SH3GL3: variants seen among roughly 807,000 people sequenced by gnomAD.
SH3GL3 encodes the protein endophilin-A3.
SH3GL3 carries 33 observed loss-of-function variants against 47.7 expected under a neutral mutation model. That is an observed-to-expected ratio of 0.69 (90% CI 0.52 to 0.92). The LOEUF (loss-of-function observed/expected upper bound fraction) is 0.92. Ranked by LOEUF, SH3GL3 falls within the 40% of genes least tolerant of loss-of-function variation. SH3GL3 has a pLI of 0.00. For missense variants in SH3GL3, 363 were observed against 417.8 expected (o/e 0.87, Z 1.14); for synonymous variants, 155 against 148.8 (o/e 1.04, Z -0.30).
At chr15:83,501,349 GTACA>G (rs202051370) in intron 1 of SH3GL3, among the ~76,000 whole-genome samples, 1,733 of 152,212 alleles carry the variant, frequency 0.011, 15 homozygotes, top group Non-Finnish European at 0.015. Context: ...TTCATGATTA[GTACA>G]TCATAAAAGT....
chr15:83,473,181 C>G (rs983858992), intron 1 of SH3GL3, among the ~76,000 whole-genome samples: 1 of 128,798 alleles, frequency 7.8e-6, no homozygotes, highest in Non-Finnish European at 1.6e-5. Context: ...CTGATGGAGG[C>G]GAAAGTTCAG....
rs2060133896 is a variant in SH3GL3, at chr15:83,592,491, A to G, written c.838+3720A>G. On this transcript the variant is annotated intron_variant, in intron 8 of 8. Transcript: ENST00000427482. The stretch of plus-strand genomic sequence containing the variant: ...TAAGTGCAGGCTCGTGCAGTAGTCA[A>G]AATGCTAAGACCCATGTCATGGTCA... 2.0e-5 allele frequency among the ~76,000 whole-genome samples: 3 copies of G among 147,432 alleles called. 1 individual carries two copies. Among genetic ancestry groups the G allele is most frequent in the Non-Finnish European group, 4.6e-5 (3 of 65,772 alleles).
chr15:83,481,094 G>A (rs935323377), intron 1 of SH3GL3, among the ~76,000 whole-genome samples: 11 of 152,078 alleles, frequency 7.2e-5, no homozygotes, highest in African/African-American at 2.7e-4. Context: ...TGGCCAACAT[G>A]GCGAAACTTC....
chr15:83,496,358 C>CAAA lies in SH3GL3; in HGVS notation c.45+48791_45+48793dup, dbSNP rs57113409. 4.8e-4 allele frequency among the ~76,000 whole-genome samples: 43 copies of CAAA among 89,522 alleles called. 1 individual carries two copies. Among genetic ancestry groups the CAAA allele is most frequent in the South Asian group, 1.6e-3 (4 of 2,490 alleles). 58.7% of individuals were successfully genotyped at this position (89,522 alleles called of 152,430 possible). On this transcript the variant is annotated intron_variant, in intron 1 of 8. Transcript: ENST00000427482. ...TGGGCAACAGAGTGAGATTATGTCT[C>CAAA]AAAAAAAAAAAAAGAAAAAAAAAAG...
In SH3GL3 at chr15:83,594,015, C is replaced by T. The variant is rs189534869; in HGVS notation, c.838+5244C>T. Reference sequence around the variant, plus strand: ...TGTATCTTTCGTAGAGATGAGGATTCACCCTGTTGCCTAAGCTGGTCATGA... The same window carrying T: ...TGTATCTTTCGTAGAGATGAGGATTTACCCTGTTGCCTAAGCTGGTCATGA... On this transcript the variant is annotated intron_variant, in intron 8 of 8. Coordinates refer to ENST00000427482, the MANE Select transcript of SH3GL3 (RefSeq NM_003027.5). Among the ~76,000 whole-genome samples, 460 of 152,244 alleles carry T rather than the reference C, an allele frequency of 3.0e-3. 6 individuals carry two copies. The highest frequency in any genetic ancestry group is 4.8e-3 in the Non-Finnish European group (327 of 68,012).
chr15:83,537,958 G>A (rs953669414), intron 1 of SH3GL3, among the ~76,000 whole-genome samples: 5 of 151,994 alleles, frequency 3.3e-5, no homozygotes, highest in Admixed American at 6.6e-5. Context: ...TATTTGGTCC[G>A]CCATCTTGAT....
intron 1 of SH3GL3, among the ~76,000 whole-genome samples, chr15:83,522,292 C>T (rs1567299174): frequency 6.6e-6 from 1 of 152,136 alleles, no homozygotes; most frequent in African/African-American, 2.4e-5. Flanking sequence ...GAGATCACTT[C>T]GTTCAAGCAG....
the SH3GL3 span, among the ~76,000 whole-genome samples, chr15:83,624,765 T>C: frequency 1.3e-5 from 2 of 152,114 alleles, no homozygotes; most frequent in Admixed American, 1.3e-4. Context: ...TGAGATCCCA[T>C]CCCTACAAAA....
At chr15:83,621,920 C>A (rs1337160017), downstream of SH3GL3, among the ~76,000 whole-genome samples, 1 of 152,170 alleles carries the variant, frequency 6.6e-6, no homozygotes, top group Admixed American at 6.5e-5. Context: ...GTTCCCCAGT[C>A]TTCTGATTCC....
downstream of SH3GL3, among the ~76,000 whole-genome samples, chr15:83,620,080 T>C (rs2060908906): frequency 1.3e-5 from 2 of 152,242 alleles, no homozygotes; most frequent in Non-Finnish European, 2.9e-5. Context: ...CCTCATCTAT[T>C]CAAGCTTTTT....
At chr15:83,513,456 G>C (rs981559511) in intron 1 of SH3GL3, among the ~76,000 whole-genome samples, 1 of 152,100 alleles carries the variant, frequency 6.6e-6, no homozygotes, top group African/African-American at 2.4e-5. Flanking sequence ...CCCTAGACGT[G>C]CTGGACATCT....
chr15:83,550,157 A>G (rs2044590234), intron 1 of SH3GL3, among the ~76,000 whole-genome samples: 1 of 152,188 alleles, frequency 6.6e-6, no homozygotes, highest in Non-Finnish European at 1.5e-5. Flanking sequence ...TTGTGTTGCC[A>G]TGTTCTCCAA....
chr15:83,519,574 C>G (rs916391716), intron 1 of SH3GL3, among the ~76,000 whole-genome samples: 1 of 152,118 alleles, frequency 6.6e-6, no homozygotes, highest in Non-Finnish European at 1.5e-5. Flanking sequence ...GGTGGAGTCT[C>G]TAGGGTTTTC....
At chr15:83,516,611 C>T (rs553890473) in intron 1 of SH3GL3, among the ~76,000 whole-genome samples, 2 of 152,158 alleles carry the variant, frequency 1.3e-5, no homozygotes, top group Admixed American at 6.6e-5. Context: ...CATGGCAAAG[C>T]AGAACAAGGG....
downstream of SH3GL3, among the ~76,000 whole-genome samples, chr15:83,622,967 T>C (rs754852257): frequency 7.2e-5 from 11 of 152,242 alleles, no homozygotes; most frequent in Non-Finnish European, 1.5e-4. Flanking sequence ...CCATATTCTG[T>C]TGGGAAGTGC....
chr15:83,626,520 C>T, the SH3GL3 span, among the ~76,000 whole-genome samples: 3 of 152,174 alleles, frequency 2.0e-5, no homozygotes, highest in African/African-American at 7.2e-5. Flanking sequence ...AGATCTGAGT[C>T]ACATTTTCCA....
chr15:83,610,220 T>C (rs1383103340), intron 8 of SH3GL3, among the ~76,000 whole-genome samples: 1 of 152,140 alleles, frequency 6.6e-6, no homozygotes, highest in Non-Finnish European at 1.5e-5. Context: ...GGCCACCCCA[T>C]TGAATGGGAT....
At chr15:83,471,854 A>T (rs2040843425) in intron 1 of SH3GL3, among the ~76,000 whole-genome samples, 1 of 150,432 alleles carries the variant, frequency 6.6e-6, no homozygotes, top group Admixed American at 6.6e-5. Flanking sequence ...TAGAAGCTTG[A>T]CTATGATGTG....
intron 1 of SH3GL3, chr15:83,490,603 C>G (rs1018154069): frequency 5.6e-6 from 3 of 532,394 alleles, no homozygotes; most frequent in Non-Finnish European, 9.6e-6. Context: ...CAGTTGGCCC[C>G]CCTACAACCT....
Sources: allele counts gnomAD v4.1 joint callset (sites outside exome capture counted in the v4.1 genomes callset), GRCh38; gene constraint gnomAD v4.1.1; transcripts MANE v1.5; gene names NCBI Gene and HGNC (gene_info 2026-07-23, HGNC 2026-07-21).